Variants in UNC13C observed in about 807,000 individuals in gnomAD.
UNC13C encodes protein unc-13 homolog C.
A neutral mutation model predicts 245.4 loss-of-function variants in UNC13C; 174 were observed. The ratio of observed to expected loss-of-function variants is 0.71; its 90% CI spans 0.63 to 0.80. UNC13C has a LOEUF of 0.80. Among genes scored for constraint, UNC13C ranks in the 30% least tolerant of loss-of-function variants. UNC13C has a pLI of 0.00. For synonymous variants in UNC13C, 992 were observed against 895.1 expected (o/e 1.11, Z -1.93); for missense variants, 2,829 against 2,602.9 (o/e 1.09, Z -1.89).
At chr15:54,103,968 C>G (rs1900298180) in intron 2 of UNC13C, among the ~76,000 whole-genome samples, 1 of 125,184 alleles carries the variant, frequency 8.0e-6, no homozygotes, top group Non-Finnish European at 1.9e-5. Context: ...TGGTCTCAAT[C>G]TCTTGACCTC....
the UNC13C span, among the ~76,000 whole-genome samples, chr15:53,867,989 C>G: frequency 0.025 from 3,795 of 152,100 alleles, 141 homozygotes; most frequent in African/African-American, 0.087. Flanking sequence ...TGCCACCATT[C>G]CTAGCTAATT....
chr15:54,250,263 CT>C lies in UNC13C; in HGVS notation c.3268del (p.Tyr1090ThrfsTer37). On this transcript the variant is annotated frameshift_variant, in exon 8 of 33. Coordinates refer to ENST00000260323, the MANE Select transcript of UNC13C (RefSeq NM_001080534.3). LOFTEE classifies it high-confidence loss of function. Reference sequence around the variant, plus strand: ...TCAAGAAGACCTTGCAGGCACTGATCTACCCTATGTCTTCTACCATCCCACA... The same window carrying C: ...TCAAGAAGACCTTGCAGGCACTGATCACCCTATGTCTTCTACCATCCCACA... Reference protein sequence around the residue: ...VFKKTLQALIYPMSSTIPHNF... With the variant: ...VFKKTLQALIXPMSSTIPHNF... The C allele has an allele frequency of 6.2e-7, 1 of 1,614,020 alleles. No individual in the cohort carries two copies. Among genetic ancestry groups the C allele is most frequent in the East Asian group, 2.2e-5 (1 of 44,874 alleles).
intron 20 of UNC13C, among the ~76,000 whole-genome samples, chr15:54,499,827 G>T (rs930979770): frequency 1.3e-5 from 2 of 152,092 alleles, no homozygotes; most frequent in African/African-American, 2.4e-5. Context: ...GAATTACAGA[G>T]TAACTGTTGG....
chr15:54,192,101 T>C (rs1163621841), intron 4 of UNC13C, among the ~76,000 whole-genome samples: 2 of 152,206 alleles, frequency 1.3e-5, no homozygotes, highest in Admixed American at 1.3e-4. Context: ...GTTTTATTCA[T>C]GGAGTCTTTG....
At chr15:54,160,112 T>A (rs1173650543) in intron 4 of UNC13C, among the ~76,000 whole-genome samples, 2 of 151,942 alleles carry the variant, frequency 1.3e-5, no homozygotes, top group Non-Finnish European at 2.9e-5. Flanking sequence ...GGAATACTAT[T>A]GACAAAAAAG....
intron 2 of UNC13C, among the ~76,000 whole-genome samples, chr15:54,051,617 T>C (rs1897268625): frequency 6.6e-6 from 1 of 152,108 alleles, no homozygotes; most frequent in Admixed American, 6.5e-5. Flanking sequence ...CTTCATTCCG[T>C]ATGTTTCTGT....
chr15:54,060,308 G>T (rs1182285970), intron 2 of UNC13C, among the ~76,000 whole-genome samples: 1 of 152,016 alleles, frequency 6.6e-6, no homozygotes, highest in African/African-American at 2.4e-5. Context: ...GTGGGCAAAG[G>T]ATATGAACAG....
intron 32 of UNC13C, among the ~76,000 whole-genome samples, chr15:54,625,523 G>A (rs1336179697): frequency 6.6e-6 from 1 of 152,130 alleles, no homozygotes; most frequent in African/African-American, 2.4e-5. Flanking sequence ...AGACTCTCAA[G>A]AGATGTCATT....
intron 10 of UNC13C, among the ~76,000 whole-genome samples, chr15:54,280,426 C>T (rs538558841): frequency 4.6e-5 from 7 of 151,464 alleles, no homozygotes; most frequent in African/African-American, 7.2e-5. Flanking sequence ...TTTTTAAAGG[C>T]AAATACTAAT....
chr15:53,999,682 A>G (rs530979003), intron 1 of UNC13C, among the ~76,000 whole-genome samples: 1 of 151,982 alleles, frequency 6.6e-6, no homozygotes, highest in African/African-American at 2.4e-5. Context: ...ATTTAAACCT[A>G]TAAATTCATG....
chr15:54,124,720 T>C lies in UNC13C; in HGVS notation c.2984-18298T>C, dbSNP rs2030916941. 2.0e-5 allele frequency among the ~76,000 whole-genome samples: 3 copies of C among 152,346 alleles called. No individual in the cohort carries two copies. In the South Asian group the frequency reaches 6.2e-4, roughly 32 times the overall value. Reference sequence around the variant, plus strand: ...CCAAGCCCTATGTCTTGAAATTTTCTCCTAAGTTAACTAAGAGTTTTACAT... The same window carrying C: ...CCAAGCCCTATGTCTTGAAATTTTCCCCTAAGTTAACTAAGAGTTTTACAT... On this transcript the variant is annotated intron_variant, in intron 2 of 32. Transcript: ENST00000260323.
intron 30 of UNC13C, among the ~76,000 whole-genome samples, chr15:54,599,214 G>T (rs182624631): frequency 1.3e-5 from 2 of 152,104 alleles, no homozygotes; most frequent in Admixed American, 6.5e-5. Context: ...AGAAACAGAG[G>T]TTCAGAGAGG....
chr15:53,861,262 G>A, the UNC13C span, among the ~76,000 whole-genome samples: 1 of 151,874 alleles, frequency 6.6e-6, no homozygotes, highest in African/African-American at 2.4e-5. Flanking sequence ...GTATTACTTG[G>A]GTATAGTTAT....
At position 54,558,427 on chromosome 15, in the gene UNC13C, C is replaced by T. The variant is rs140461878; in HGVS notation, c.5958+2915C>T. ...GTCACATTTTTTCAATCAGTATGTA[C>T]GAAGTTTAAGTAAAATGTAGCAGGC... On this transcript the variant is annotated intron_variant, in intron 29 of 32. Transcript: ENST00000260323. 4.0e-3 allele frequency among the ~76,000 whole-genome samples: 609 copies of T among 151,898 alleles called. 2 individuals are homozygous for T. Among genetic ancestry groups the T allele is most frequent in the African/African-American group, 0.014 (572 of 41,462 alleles).
chr15:54,209,518 T>TC (rs1222706613), intron 4 of UNC13C, among the ~76,000 whole-genome samples: 1 of 151,898 alleles, frequency 6.6e-6, no homozygotes, highest in Non-Finnish European at 1.5e-5. Context: ...GCTCAGATGA[T>TC]CCTCCCTCCT....
At chr15:53,989,917 A>T (rs770443077) in intron 1 of UNC13C, among the ~76,000 whole-genome samples, 7 of 152,030 alleles carry the variant, frequency 4.6e-5, no homozygotes, top group Non-Finnish European at 1.0e-4. Flanking sequence ...TAAGGAAACC[A>T]GAGGAAAAAA....
chr15:54,483,134 T>C (rs192483488), intron 19 of UNC13C, among the ~76,000 whole-genome samples: 82 of 152,332 alleles, frequency 5.4e-4, no homozygotes, highest in Non-Finnish European at 3.8e-4. Flanking sequence ...TGTCTTTTCT[T>C]CTTATGGCTT....
intron 19 of UNC13C, among the ~76,000 whole-genome samples, chr15:54,490,724 A>G (rs1319755023): frequency 2.6e-5 from 4 of 152,042 alleles, no homozygotes; most frequent in African/African-American, 4.8e-5. Context: ...CAAAATATTT[A>G]AAAACATGAG....
At chr15:54,591,003 G>T (rs899527675) in intron 30 of UNC13C, among the ~76,000 whole-genome samples, 2 of 152,076 alleles carry the variant, frequency 1.3e-5, no homozygotes, top group Non-Finnish European at 2.9e-5. Flanking sequence ...AATCATAAAG[G>T]GATGCTGGAT....
Sources: gnomAD v4.1 joint callset for allele counts (sites outside exome capture counted in the v4.1 genomes callset) on GRCh38, gnomAD v4.1.1 for gene constraint, MANE v1.5 for transcripts, NCBI Gene and HGNC (gene_info 2026-07-23, HGNC 2026-07-21) for gene names.